ARHGEF26: variants seen among roughly 807,000 people sequenced by gnomAD.
ARHGEF26 encodes the protein Rho guanine nucleotide exchange factor (GEF) 26.
ARHGEF26 carries 59 observed loss-of-function variants against 89.4 expected under a neutral mutation model. The ratio of observed to expected loss-of-function variants is 0.66; its 90% CI spans 0.54 to 0.82. The LOEUF is 0.82. Ranked by LOEUF, ARHGEF26 falls within the 40% of genes least tolerant of loss-of-function variation. The pLI is 0.00. For missense variants in ARHGEF26, 1,234 were observed against 1,085.6 expected (o/e 1.14, Z -1.92); for synonymous variants, 500 against 428.4 (o/e 1.17, Z -2.06).
intron 11 of ARHGEF26, among the ~76,000 whole-genome samples, chr3:154,230,797 A>T (rs1559915153): frequency 2.0e-5 from 3 of 151,298 alleles, no homozygotes; most frequent in African/African-American, 4.9e-5. Flanking sequence ...AAAATTTTTA[A>T]TTTTTTTTTC....
intron 6 of ARHGEF26, among the ~76,000 whole-genome samples, chr3:154,174,610 A>G (rs970616574): frequency 6.6e-6 from 1 of 152,224 alleles, no homozygotes; most frequent in African/African-American, 2.4e-5. Context: ...TATAACTTTC[A>G]GTGATAAAGC....
At chr3:154,216,212 T>C (rs1228043258) in intron 9 of ARHGEF26, among the ~76,000 whole-genome samples, 1 of 152,040 alleles carries the variant, frequency 6.6e-6, no homozygotes, top group Non-Finnish European at 1.5e-5. Context: ...TTTGTTTTTA[T>C]GGCAAATGAC....
intron 4 of ARHGEF26, among the ~76,000 whole-genome samples, chr3:154,142,645 A>G (rs932775741): frequency 2.0e-5 from 3 of 152,204 alleles, no homozygotes; most frequent in Non-Finnish European, 4.4e-5. Context: ...GTCATTTTAC[A>G]AAAATAGCAA....
At chr3:154,252,692 A>G (rs1047649284) in intron 12 of ARHGEF26, among the ~76,000 whole-genome samples, 5 of 152,220 alleles carry the variant, frequency 3.3e-5, no homozygotes, top group African/African-American at 1.2e-4. Context: ...GTTTACGGAA[A>G]GGTTTGAGTG....
chr3:154,146,717 C>T (rs1719726932), intron 4 of ARHGEF26, among the ~76,000 whole-genome samples: 1 of 152,172 alleles, frequency 6.6e-6, no homozygotes, highest in Non-Finnish European at 1.5e-5. Context: ...TAATAAGGCA[C>T]AGATGTATGC....
At chr3:154,228,324 A>G (rs376090957) in intron 11 of ARHGEF26, among the ~76,000 whole-genome samples, 19 of 151,372 alleles carry the variant, frequency 1.3e-4, no homozygotes, top group African/African-American at 4.1e-4. Flanking sequence ...TTTAGTAGAG[A>G]TGGGGTTTCT....
At chr3:154,250,324 G>C (rs1456419829) in intron 12 of ARHGEF26, among the ~76,000 whole-genome samples, 3 of 152,056 alleles carry the variant, frequency 2.0e-5, no homozygotes, top group Non-Finnish European at 4.4e-5. Context: ...GCCCCGCCCG[G>C]CCTCTTGGCA....
intron 10 of ARHGEF26, among the ~76,000 whole-genome samples, chr3:154,225,279 C>A (rs357497): frequency 0.91 from 138,981 of 152,244 alleles, 63,682 homozygotes; most frequent in East Asian, 1. Flanking sequence ...TTCCATGAAG[C>A]AAGCTACCAT....
At chr3:154,176,490 A>G (rs1409798576) in intron 6 of ARHGEF26, among the ~76,000 whole-genome samples, 3 of 152,196 alleles carry the variant, frequency 2.0e-5, no homozygotes, top group Non-Finnish European at 4.4e-5. Flanking sequence ...GGTGAGTGAC[A>G]TAGTCCTGGT....
chr3:154,123,501 T>G (rs533968936), intron 2 of ARHGEF26, among the ~76,000 whole-genome samples: 2 of 152,302 alleles, frequency 1.3e-5, no homozygotes, highest in South Asian at 2.1e-4. Context: ...TTCAGAAAAA[T>G]ACTGATTCCT....
At chr3:154,197,736 A>G (rs1714377207) in intron 9 of ARHGEF26, among the ~76,000 whole-genome samples, 1 of 152,154 alleles carries the variant, frequency 6.6e-6, no homozygotes, top group Non-Finnish European at 1.5e-5. Flanking sequence ...CAAGAACAAC[A>G]TTTCTATAAA....
chr3:154,204,617 A>C (rs546212171), intron 9 of ARHGEF26, among the ~76,000 whole-genome samples: 2 of 152,230 alleles, frequency 1.3e-5, no homozygotes, highest in African/African-American at 4.8e-5. Flanking sequence ...GGCATGAGCC[A>C]CTGTACCCAG....
At chr3:154,126,238 A>G (rs1718324790) in intron 3 of ARHGEF26, among the ~76,000 whole-genome samples, 1 of 152,184 alleles carries the variant, frequency 6.6e-6, no homozygotes, top group Non-Finnish European at 1.5e-5. Flanking sequence ...TCTGTAGTTG[A>G]TGAGAAAAGG....
chr3:154,122,270 ATGG>A lies in ARHGEF26; in HGVS notation c.282_284del (p.Gly95del). ...GGCGCCCAGCGGAGAGCGGTGGCCA[ATGG>A]TGGGACGGCATCCCCGGAGTACAGG... On this transcript the variant is annotated inframe_deletion, in exon 2 of 15. Transcript: ENST00000465093. 6.2e-7 allele frequency: 1 copy of A among 1,612,464 alleles called. No individual in the cohort carries two copies. Among genetic ancestry groups the A allele is most frequent in the Non-Finnish European group, 8.5e-7 (1 of 1,179,678 alleles).
chr3:154,172,928 A>G (rs903598962), intron 6 of ARHGEF26, among the ~76,000 whole-genome samples: 1 of 152,148 alleles, frequency 6.6e-6, no homozygotes, highest in African/African-American at 2.4e-5. Flanking sequence ...TATGGAAGGG[A>G]TAGGCTGTGC....
In ARHGEF26 at chr3:154,256,617, T is replaced by C; in HGVS notation, c.*1144T>C. The C allele has an allele frequency of 8.8e-7, 1 of 1,130,940 alleles. No individual in the cohort carries two copies. The highest frequency in any genetic ancestry group is 1.1e-6 in the Non-Finnish European group (1 of 926,186). 70.1% of individuals were successfully genotyped at this position (1,130,940 alleles called of 1,614,324 possible). A position where few individuals can be genotyped will look rare whatever the true frequency, so the allele number is the denominator to read the frequency against. ...GATAAAAAACTGACGTGAGGCTGCTTTGCCTTCAATAATACCTAGTTTTCA... is the reference window on the plus strand; with the variant it reads ...GATAAAAAACTGACGTGAGGCTGCTCTGCCTTCAATAATACCTAGTTTTCA... On this transcript the variant is annotated 3_prime_UTR_variant, in exon 15 of 15. Coordinates refer to ENST00000465093, the MANE Select transcript of ARHGEF26 (RefSeq NM_015595.4).
At chr3:154,123,874 T>A (rs1298819422) in intron 2 of ARHGEF26, among the ~76,000 whole-genome samples, 9 of 151,372 alleles carry the variant, frequency 5.9e-5, no homozygotes, top group African/African-American at 2.2e-4. Context: ...TATTTTGGAG[T>A]GTGTGCTTCC....
At chr3:154,142,246 G>T (rs746314433) in intron 4 of ARHGEF26, among the ~76,000 whole-genome samples, 46 of 151,536 alleles carry the variant, frequency 3.0e-4, no homozygotes, top group Non-Finnish European at 5.9e-4. Flanking sequence ...TTAAGGTAGA[G>T]ATAGGAAGAC....
chr3:154,140,806 G>T (rs1388543628), intron 4 of ARHGEF26, among the ~76,000 whole-genome samples: 3 of 152,110 alleles, frequency 2.0e-5, no homozygotes, highest in Admixed American at 1.3e-4. Flanking sequence ...GTCTCGAACT[G>T]CTAAGCTCAG....
Sources: gnomAD v4.1 joint callset for allele counts (sites outside exome capture counted in the v4.1 genomes callset) on GRCh38, gnomAD v4.1.1 for gene constraint, MANE v1.5 for transcripts, NCBI Gene and HGNC (gene_info 2026-07-23, HGNC 2026-07-21) for gene names.